Variants in CCBE1 observed in about 807,000 individuals in gnomAD.
CCBE1 encodes the protein collagen and calcium binding EGF domains 1.
CCBE1 carries 37 observed loss-of-function variants against 50.0 expected under a neutral mutation model. That is an observed-to-expected ratio of 0.74 (90% CI 0.57 to 0.97). The LOEUF (loss-of-function observed/expected upper bound fraction) is 0.97, where lower values mean the gene tolerates loss of function less well. Ranked by LOEUF, CCBE1 falls within the 50% of genes least tolerant of loss-of-function variation. The pLI is 0.00. For missense variants in CCBE1, 538 were observed against 523.8 expected (o/e 1.03, Z -0.26); for synonymous variants, 234 against 203.7 (o/e 1.15, Z -1.27).
At chr18:59,676,410 A>G (rs2054503221) in intron 2 of CCBE1, among the ~76,000 whole-genome samples, 1 of 152,064 alleles carries the variant, frequency 6.6e-6, no homozygotes. Flanking sequence ...TGCCAGCTCT[A>G]TTTCATATGT....
In CCBE1 at chr18:59,515,555, T is replaced by A. The variant is rs534363090; in HGVS notation, c.213-35317A>T. On this transcript the variant is annotated intron_variant, in intron 2 of 10. Transcript: ENST00000439986. ...TTTTGAGTCTATCTTTGAGCAGCAG[T>A]TCACCTGGATTGTCACAAGTCCAAA... Among the ~76,000 whole-genome samples, 5 of 152,360 alleles carry A rather than the reference T, an allele frequency of 3.3e-5. No individual in the cohort carries two copies. In the South Asian group the frequency reaches 1.0e-3, roughly 32 times the overall value.
chr18:59,437,679 C>T (rs9949914), intron 10 of CCBE1, among the ~76,000 whole-genome samples: 59,506 of 152,106 alleles, frequency 0.39, 12,403 homozygotes, highest in East Asian at 0.66. Context: ...AACAGCCCTG[C>T]GTGGTTTTGC....
chr18:59,461,729 C>T (rs867821846), intron 5 of CCBE1, among the ~76,000 whole-genome samples: 45 of 109,298 alleles, frequency 4.1e-4, no homozygotes, highest in African/African-American at 5.5e-4. Flanking sequence ...CAGGTGTAAT[C>T]TTTTTTTTTT....
chr18:59,448,328 C>T (rs1050537463), intron 6 of CCBE1, among the ~76,000 whole-genome samples: 2 of 152,134 alleles, frequency 1.3e-5, no homozygotes, highest in Non-Finnish European at 2.9e-5. Flanking sequence ...AGTAGGTGAG[C>T]TTAAATAAGC....
At chr18:59,452,786 TG>T (rs1444601683) in intron 6 of CCBE1, among the ~76,000 whole-genome samples, 4 of 152,302 alleles carry the variant, frequency 2.6e-5, no homozygotes, top group Middle Eastern at 3.4e-3. Flanking sequence ...GGCTGTGGAA[TG>T]CAAGACATTC....
At chr18:59,642,948 C>CAAAAAAAAAAAAAA (rs10683687) in intron 2 of CCBE1, among the ~76,000 whole-genome samples, 3 of 94,170 alleles carry the variant, frequency 3.2e-5, no homozygotes, top group African/African-American at 1.2e-4. Context: ...GACTCCACCT[C>CAAAAAAAAAAAAAA]AAAAAAAAAA....
chr18:59,695,954 A>C (rs1388384242), intron 2 of CCBE1, among the ~76,000 whole-genome samples: 1 of 144,228 alleles, frequency 6.9e-6, no homozygotes, highest in East Asian at 1.9e-4. Flanking sequence ...GGCTGCAAGC[A>C]GAACAGTGGT....
intron 3 of CCBE1, 137 bp downstream of exon 3, chr18:59,480,049 G>T: frequency 1.5e-6 from 1 of 657,620 alleles, no homozygotes; most frequent in Non-Finnish European, 2.6e-6. Flanking sequence ...AAAATTTGAT[G>T]CCAAAAAATA....
At chr18:59,696,355 T>G (rs1298116726) in intron 2 of CCBE1, 1 of 732,080 alleles carries the variant, frequency 1.4e-6, no homozygotes, top group African/African-American at 1.8e-5. Flanking sequence ...TCCAATCTCC[T>G]TCACAGACTT....
chr18:59,620,035 A>T (rs1021493099), intron 2 of CCBE1, among the ~76,000 whole-genome samples: 8 of 152,192 alleles, frequency 5.3e-5, no homozygotes, highest in Non-Finnish European at 1.0e-4. Flanking sequence ...CACCATTGTA[A>T]GCCAAGTCAA....
At chr18:59,643,171 A>C (rs1388656594) in intron 2 of CCBE1, among the ~76,000 whole-genome samples, 1 of 151,982 alleles carries the variant, frequency 6.6e-6, no homozygotes, top group Non-Finnish European at 1.5e-5. Flanking sequence ...ATTAGACACA[A>C]ATACATTTTC....
intron 2 of CCBE1, among the ~76,000 whole-genome samples, chr18:59,567,633 G>A (rs1210014396): frequency 6.6e-6 from 1 of 152,152 alleles, no homozygotes. Context: ...AGTGACCCAT[G>A]CTCTGCTGGT....
chr18:59,626,989 C>T (rs2144618010), intron 2 of CCBE1, among the ~76,000 whole-genome samples: 1 of 152,340 alleles, frequency 6.6e-6, no homozygotes, highest in South Asian at 2.1e-4. Flanking sequence ...TGTGTCCATC[C>T]TGTTGTAGAG....
At chr18:59,493,002 G>A (rs1046588666) in intron 2 of CCBE1, among the ~76,000 whole-genome samples, 12 of 152,314 alleles carry the variant, frequency 7.9e-5, no homozygotes, top group Middle Eastern at 3.4e-3. Flanking sequence ...TTCCAGTGGC[G>A]CTCGGCCTTT....
At chr18:59,625,081 T>C (rs983638377) in intron 2 of CCBE1, among the ~76,000 whole-genome samples, 1 of 152,126 alleles carries the variant, frequency 6.6e-6, no homozygotes, top group Non-Finnish European at 1.5e-5. Context: ...TGGTAACAAA[T>C]GGAAACCAAA....
chr18:59,563,127 C>T (rs2052767178), intron 2 of CCBE1, among the ~76,000 whole-genome samples: 1 of 152,138 alleles, frequency 6.6e-6, no homozygotes, highest in African/African-American at 2.4e-5. Flanking sequence ...GTGAGCTGCC[C>T]AGAACATCAA....
rs139059968 is a variant in CCBE1 at position 59,436,065 on chromosome 18, T to G, written c.1064A>C (p.Lys355Thr). 3,103 of 1,614,148 alleles carry G rather than the reference T, an allele frequency of 1.9e-3. 4 individuals are homozygous for G. The highest frequency in any genetic ancestry group is 2.4e-3 in the Non-Finnish European group (2,838 of 1,180,018). The change falls in exon 11 of 11, where the codon AAG becomes ACG. Residue 355 changes from lysine (K) to threonine (T), a missense_variant. Coordinates refer to ENST00000439986, the MANE Select transcript of CCBE1 (RefSeq NM_133459.4). ...AGAGTGAGTCCGGTGCCCGAACACC[T>G]TTTCCTGCAGCTCAGTGATGTCATT... is the stretch of plus-strand genomic sequence containing the variant. ...IRNDITELQE[K>T]VFGHRTHSSA...
At chr18:59,479,374 T>G (rs540758505) in intron 3 of CCBE1, among the ~76,000 whole-genome samples, 31 of 152,328 alleles carry the variant, frequency 2.0e-4, no homozygotes, top group African/African-American at 7.5e-4. Flanking sequence ...GCCCTGGGCC[T>G]CTGTGTATAT....
chr18:59,522,541 A>G (rs1336550379), intron 2 of CCBE1, among the ~76,000 whole-genome samples: 1 of 152,224 alleles, frequency 6.6e-6, no homozygotes, highest in African/African-American at 2.4e-5. Context: ...TGGTGGGTTA[A>G]ATCAAGGAAT....
Sources: allele counts gnomAD v4.1 joint callset (sites outside exome capture counted in the v4.1 genomes callset), GRCh38; gene constraint gnomAD v4.1.1; transcripts MANE v1.5; gene names NCBI Gene and HGNC (gene_info 2026-07-23, HGNC 2026-07-21).